SHOX: variants seen among roughly 807,000 people sequenced by gnomAD.
SHOX encodes SHOX homeobox.
A neutral mutation model predicts 29.6 loss-of-function variants in SHOX; 12 were observed. The observed-to-expected ratio is 0.41, with a 90% CI of 0.26 to 0.66. The LOEUF is 0.66. Ranked by LOEUF, SHOX falls within the 30% of genes least tolerant of loss-of-function variation. The pLI is 0.35. For synonymous variants in SHOX, 214 were observed against 200.6 expected (o/e 1.07, Z -0.57); for missense variants, 499 against 437.7 (o/e 1.14, Z -1.25).
chrX:636,106 G>C (rs2124170645), intron 2 of SHOX, among the ~76,000 whole-genome samples: 1 of 150,904 alleles, frequency 6.6e-6, no homozygotes, highest in South Asian at 2.1e-4. Flanking sequence ...TCCAAAGTGT[G>C]TTACATCTTT....
At chrX:657,687 C>T (rs1015897940) in intron 5 of SHOX, among the ~76,000 whole-genome samples, 29 of 152,158 alleles carry the variant, frequency 1.9e-4, no homozygotes, top group Admixed American at 4.6e-4. Context: ...CCCAGGGAAC[C>T]GTAACCCGTC....
intron 2 of SHOX, among the ~76,000 whole-genome samples, chrX:636,255 T>C (rs2052745969): frequency 6.9e-6 from 1 of 144,284 alleles, no homozygotes; most frequent in Non-Finnish European, 1.5e-5. Flanking sequence ...ATATATAATA[T>C]ATAAACATAA....
chrX:634,951 G>C (rs2052718819), intron 2 of SHOX, 125 bp downstream of exon 2: 2 of 1,034,176 alleles, frequency 1.9e-6, no homozygotes, highest in Non-Finnish European at 2.8e-6. Flanking sequence ...CGGGGAGGTT[G>C]GGTGAGGGAC....
chrX:631,601 G>C (rs758295362), intron 1 of SHOX, among the ~76,000 whole-genome samples: 1 of 152,056 alleles, frequency 6.6e-6, no homozygotes, highest in East Asian at 1.9e-4. Flanking sequence ...GTGCGATCTC[G>C]GCTCACTGCA....
At chrX:626,354 G>GTC (rs1288777952), upstream of SHOX, among the ~76,000 whole-genome samples, 2 of 110,750 alleles carry the variant, frequency 1.8e-5, no homozygotes, top group Non-Finnish European at 3.7e-5. Flanking sequence ...GTCTATCTCT[G>GTC]TCTCTCTCTC....
At chrX:629,393 C>G (rs1351474324), upstream of SHOX, among the ~76,000 whole-genome samples, 1 of 66,756 alleles carries the variant, frequency 1.5e-5, no homozygotes, top group Non-Finnish European at 4.0e-5. Context: ...GTCTCTCTTT[C>G]TCTCTCTCCA....
At chrX:627,665 A>G (rs1282908184), upstream of SHOX, among the ~76,000 whole-genome samples, 2 of 148,290 alleles carry the variant, frequency 1.3e-5, no homozygotes, top group Non-Finnish European at 2.9e-5. Context: ...AGGGGCCTTG[A>G]ATAGCCACAC....
At chrX:656,706 G>A (rs1017086137) in intron 5 of SHOX, among the ~76,000 whole-genome samples, 3 of 151,976 alleles carry the variant, frequency 2.0e-5, no homozygotes, top group Admixed American at 6.6e-5. Context: ...AGCCGGGCGT[G>A]GTGGCGGGCG....
chrX:656,169 C>T (rs1418326194), downstream of SHOX, among the ~76,000 whole-genome samples: 1 of 149,250 alleles, frequency 6.7e-6, no homozygotes, highest in African/African-American at 2.5e-5. Flanking sequence ...ATTTAGCCAG[C>T]TGTGGTGACT....
intron 2 of SHOX, among the ~76,000 whole-genome samples, chrX:635,084 T>C (rs2052721806): frequency 1.3e-5 from 2 of 152,010 alleles, no homozygotes; most frequent in African/African-American, 4.8e-5. Flanking sequence ...CAAATAAATA[T>C]ATATGTTATA....
intron 2 of SHOX, among the ~76,000 whole-genome samples, chrX:637,492 T>C (rs186022680): frequency 1.0e-3 from 157 of 151,870 alleles, no homozygotes; most frequent in African/African-American, 3.4e-3. Context: ...GAGAACGCCC[T>C]AAAATAAAGA....
chrX:631,462 G>A (rs973172474), intron 1 of SHOX, among the ~76,000 whole-genome samples: 3 of 152,216 alleles, frequency 2.0e-5, no homozygotes, highest in Non-Finnish European at 4.4e-5. Context: ...GGGTGGATCC[G>A]GGTGGCTGTG....
chrX:652,086 G>A (rs1281509369), downstream of SHOX, among the ~76,000 whole-genome samples: 11 of 151,880 alleles, frequency 7.2e-5, no homozygotes, highest in African/African-American at 2.4e-4. Flanking sequence ...CACCGCGCCC[G>A]GCTCATTTTT....
chrX:627,003 C>G (rs1318480681), upstream of SHOX, among the ~76,000 whole-genome samples: 1 of 151,646 alleles, frequency 6.6e-6, no homozygotes, highest in Non-Finnish European at 1.5e-5. Flanking sequence ...TCCTCTCTCT[C>G]TGTCTCTTTT....
At chrX:658,266 C>T (rs1202457310) in intron 5 of SHOX, among the ~76,000 whole-genome samples, 6 of 152,070 alleles carry the variant, frequency 3.9e-5, no homozygotes, top group Middle Eastern at 3.4e-3. Context: ...TGAGCCAGCA[C>T]GCCCGGCCCC....
chrX:647,154 G>A lies in SHOX; in HGVS notation c.*2518G>A, dbSNP rs1316929381. 1.3e-5 allele frequency among the ~76,000 whole-genome samples: 2 copies of A among 152,318 alleles called. No homozygotes were observed. Among genetic ancestry groups the A allele is most frequent in the East Asian group, 1.9e-4 (1 of 5,186 alleles). Reference sequence around the variant, plus strand: ...TGCAGTGGCACAATCTCGGCTCACCGCAACCTCCGCCTCCCGGGTTCAAGC... The same window carrying A: ...TGCAGTGGCACAATCTCGGCTCACCACAACCTCCGCCTCCCGGGTTCAAGC... On this transcript the variant is annotated 3_prime_UTR_variant, in exon 5 of 5. Coordinates refer to ENST00000686671, the MANE Select transcript of SHOX (RefSeq NM_000451.4).
chrX:624,904 C>CCTTTCTTTCTTTCTTTCTTTCTT (rs2052485624), intron 1 of SHOX, among the ~76,000 whole-genome samples: 2 of 94,850 alleles, frequency 2.1e-5, no homozygotes, highest in Non-Finnish European at 4.3e-5. Context: ...CTTTCTTTCT[C>CCTTTCTTTCTTTCTTTCTTTCTT]TCTTCCTTTC....
At chrX:642,114 G>T (rs764580560) in intron 4 of SHOX, among the ~76,000 whole-genome samples, 1 of 152,346 alleles carries the variant, frequency 6.6e-6, no homozygotes, top group East Asian at 1.9e-4. Context: ...CCCTGGCTTA[G>T]TGGTGGGGAT....
intron 1 of SHOX, among the ~76,000 whole-genome samples, chrX:624,902 CTCTCTTCCTTTCTTT>C (rs2052485231): frequency 5.4e-5 from 3 of 55,652 alleles, no homozygotes; most frequent in South Asian, 6.3e-4. Context: ...TTCTTTCTTT[CTCTCTTCCTTTCTTT>C]CTTTCTTTCT....
Sources: allele counts gnomAD v4.1 joint callset (sites outside exome capture counted in the v4.1 genomes callset), GRCh38; gene constraint gnomAD v4.1.1; transcripts MANE v1.5; gene names NCBI Gene and HGNC (gene_info 2026-07-23, HGNC 2026-07-21).